The following CWC15 variants were observed in gnomAD, a reference collection of about 807,000 sequenced individuals.
CWC15 encodes CWC15 spliceosome associated protein.
A neutral mutation model predicts 28.4 loss-of-function variants in CWC15; 12 were observed. That is an observed-to-expected ratio of 0.42 (90% CI 0.27 to 0.69). The LOEUF (loss-of-function observed/expected upper bound fraction) is 0.69. Among genes scored for constraint, CWC15 ranks in the 30% least tolerant of loss-of-function variants. The pLI is 0.23. For missense variants in CWC15, 192 were observed against 271.5 expected (o/e 0.71, Z 2.06); for synonymous variants, 92 against 88.4 (o/e 1.04, Z -0.23).
chr11:94,970,098 TA>T lies in CWC15; in HGVS notation c.334-3del. 6.9e-7 allele frequency: 1 copy of T among 1,453,306 alleles called. No individual in the cohort carries two copies. The highest frequency in any genetic ancestry group is 9.4e-7 in the Non-Finnish European group (1 of 1,059,902). 90.0% of individuals were successfully genotyped at this position (1,453,306 alleles called of 1,614,324 possible). The stretch of plus-strand genomic sequence containing the variant: ...TTCTTCAAAATCTTCATCTTCCTCC[TA>T]AAAGAACAGTGAGAGCCCAGAAGAT... On this transcript the variant is annotated splice_polypyrimidine_tract_variant and splice_region_variant and intron_variant, in intron 4 of 6. Transcript: ENST00000279839.
chr11:94,962,905 T>C lies in CWC15; in HGVS notation c.*480A>G, dbSNP rs1857587912. On this transcript the variant is annotated 3_prime_UTR_variant, in exon 7 of 7. Coordinates refer to ENST00000279839, the MANE Select transcript of CWC15 (RefSeq NM_016403.4). ...GACACTCCTCCACACCAACATGTGGTCCAAAATAGAATCCCTCTCATCTTC... is the reference window on the plus strand; with the variant it reads ...GACACTCCTCCACACCAACATGTGGCCCAAAATAGAATCCCTCTCATCTTC... 6.6e-6 allele frequency: 1 copy of C among 152,348 alleles called. No individual in the cohort carries two copies. The allele number at this position is 152,348 out of a possible 1,614,324, so 9.4% of individuals were successfully genotyped here. A position where few individuals can be genotyped will look rare whatever the true frequency, so the allele number is the denominator to read the frequency against.
In CWC15 at chr11:94,973,047, T is replaced by TTG. The variant is rs1555096458; in HGVS notation, c.-9+450_-9+451insCA. On this transcript the variant is annotated intron_variant, in intron 1 of 6. Coordinates refer to ENST00000279839, the MANE Select transcript of CWC15 (RefSeq NM_016403.4). The stretch of plus-strand genomic sequence containing the variant: ...GGGTGGGCGAATTGGGAGGATTTTT[T>TTG]GGGGGGGGGGCGATGCTAATTCTCT... Among the ~76,000 whole-genome samples, 18 of 103,282 alleles carry TTG rather than the reference T, an allele frequency of 1.7e-4. 1 individual carries two copies. Among genetic ancestry groups the TTG allele is most frequent in the East Asian group, 1.2e-3 (4 of 3,246 alleles). 67.8% of individuals were successfully genotyped at this position (103,282 alleles called of 152,430 possible). A position where few individuals can be genotyped will look rare whatever the true frequency, so the allele number is the denominator to read the frequency against.
intron 6 of CWC15, 61 bp downstream of exon 6, chr11:94,966,226 TACACACAC>T (rs58215154): frequency 0.063 from 42,092 of 667,708 alleles, 479 homozygotes; most frequent in Middle Eastern, 0.07. Flanking sequence ...CATACACATA[TACACACAC>T]ACACACACAC....
At chr11:94,967,682 G>C (rs948304164) in intron 5 of CWC15, among the ~76,000 whole-genome samples, 1 of 152,098 alleles carries the variant, frequency 6.6e-6, no homozygotes, top group African/African-American at 2.4e-5. Flanking sequence ...TGTAAACAAT[G>C]AATTTCATTT....
In CWC15 at chr11:94,970,068, CT is replaced by C; in HGVS notation, c.361del (p.Ser121ValfsTer44). Reference protein sequence around the residue: ...DEEDEDFEEESDDDDTAALLA... With the variant: ...DEEDEDFEEEXDDDDTAALLA... ...AAGAGCTGCAGTATCATCATCATCA[CT>C]TTCTTCTTCAAAATCTTCATCTTCC... On this transcript the variant is annotated frameshift_variant, in exon 5 of 7. Coordinates refer to ENST00000279839, the MANE Select transcript of CWC15 (RefSeq NM_016403.4). LOFTEE classifies it high-confidence loss of function. 6.4e-7 allele frequency: 1 copy of C among 1,556,216 alleles called. No homozygotes were observed. Among genetic ancestry groups the C allele is most frequent in the Admixed American group, 1.9e-5 (1 of 51,676 alleles).
intron 4 of CWC15, 51 bp downstream of exon 4, chr11:94,970,926 A>G: frequency 2.1e-6 from 3 of 1,410,626 alleles, no homozygotes. Flanking sequence ...AGTATTTTAG[A>G]ATAGCATGGT....
intron 5 of CWC15, among the ~76,000 whole-genome samples, chr11:94,969,553 A>C (rs2134101925): frequency 6.6e-6 from 1 of 151,764 alleles, no homozygotes; most frequent in Non-Finnish European, 1.5e-5. Flanking sequence ...AAACAGAGAG[A>C]CTGTGGGGGC....
At chr11:94,972,770 A>C (rs1857741293) in intron 1 of CWC15, among the ~76,000 whole-genome samples, 1 of 151,990 alleles carries the variant, frequency 6.6e-6, no homozygotes, top group Non-Finnish European at 1.5e-5. Context: ...CACAGAAAAA[A>C]ATTCTTAAAC....
intron 6 of CWC15, among the ~76,000 whole-genome samples, chr11:94,964,581 G>T (rs1462799466): frequency 2.0e-5 from 3 of 152,022 alleles, no homozygotes; most frequent in Non-Finnish European, 4.4e-5. Flanking sequence ...CTCCAAACAG[G>T]CTTTTTGTCC....
chr11:94,966,295 C>T lies in CWC15; in HGVS notation c.560G>A (p.Arg187Lys). 6.8e-7 allele frequency: 1 copy of T among 1,479,456 alleles called. No individual in the cohort carries two copies. The highest frequency in any genetic ancestry group is 9.2e-7 in the Non-Finnish European group (1 of 1,083,454). 91.6% of individuals were successfully genotyped at this position (1,479,456 alleles called of 1,614,324 possible). ...CCATTACTCCGTTACTGTATAGTACCTTCTTTTAACTTTGAAGTTGGCCTG... is the reference window on the plus strand; with the variant it reads ...CCATTACTCCGTTACTGTATAGTACTTTCTTTTAACTTTGAAGTTGGCCTG... ...QPQANFKVKR[R>K]WDDDVVFKNC... The change falls in exon 6 of 7, where the codon AGG becomes AAG. Residue 187 changes from arginine to lysine, a missense_variant and splice_region_variant. By Grantham distance (26) the Arg-to-Lys change is conservative. Around this residue, in one of 2 missense-constraint regions of CWC15, gnomAD observed 188 missense variants for 250.3 expected, o/e 0.75. Coordinates refer to ENST00000279839, the MANE Select transcript of CWC15 (RefSeq NM_016403.4).
intron 6 of CWC15, among the ~76,000 whole-genome samples, chr11:94,964,535 T>C (rs1857612920): frequency 6.6e-6 from 1 of 152,186 alleles, no homozygotes; most frequent in Non-Finnish European, 1.5e-5. Context: ...TTGTATATAA[T>C]CAGTACAGTT....
chr11:94,969,236 C>A (rs1364476748), intron 5 of CWC15, among the ~76,000 whole-genome samples: 1 of 152,160 alleles, frequency 6.6e-6, no homozygotes, highest in Non-Finnish European at 1.5e-5. Context: ...ATCATACAAG[C>A]TAAGAGTCTC....
At chr11:94,969,775 C>T (rs1464913737) in intron 5 of CWC15, among the ~76,000 whole-genome samples, 1 of 152,170 alleles carries the variant, frequency 6.6e-6, no homozygotes, top group Non-Finnish European at 1.5e-5. Context: ...GTGAATATTA[C>T]TCAGTGCATC....
intron 5 of CWC15, among the ~76,000 whole-genome samples, chr11:94,967,400 ACTT>A (rs1238401028): frequency 6.6e-6 from 1 of 152,060 alleles, no homozygotes; most frequent in Non-Finnish European, 1.5e-5. Context: ...TTTAGCATCA[ACTT>A]CTTCAAAGTC....
chr11:94,970,765 C>T, intron 4 of CWC15: 1 of 547,006 alleles, frequency 1.8e-6, no homozygotes, highest in Non-Finnish European at 3.3e-6. Flanking sequence ...ATATTTGGTT[C>T]TCTAGAGATC....
intron 1 of CWC15, 106 bp from the exon 2 acceptor site, chr11:94,972,299 C>A: frequency 9.2e-7 from 1 of 1,081,428 alleles, no homozygotes. Context: ...AACTCATTCC[C>A]CAAAACCTGC....
At chr11:94,967,904 G>A (rs1857667729) in intron 5 of CWC15, among the ~76,000 whole-genome samples, 1 of 152,112 alleles carries the variant, frequency 6.6e-6, no homozygotes, top group Admixed American at 6.5e-5. Context: ...AAAAATAGGA[G>A]CTTAAGTATA....
At chr11:94,967,450 T>C (rs1857661773) in intron 5 of CWC15, among the ~76,000 whole-genome samples, 1 of 152,208 alleles carries the variant, frequency 6.6e-6, no homozygotes, top group African/African-American at 2.4e-5. Flanking sequence ...ATGTGGAATA[T>C]AAAATGTCTA....
Position 94,963,283 on chromosome 11 carries a change from C to T in CWC15, c.*102G>A, listed in dbSNP as rs200674820. ...GATAGGAGTTTAAAACTGGGGAAGC[C>T]CACACACAATTTAGACAGGGGAAAA... On this transcript the variant is annotated 3_prime_UTR_variant, in exon 7 of 7. Coordinates refer to ENST00000279839, the MANE Select transcript of CWC15 (RefSeq NM_016403.4). 1.6e-5 allele frequency: 14 copies of T among 891,512 alleles called. No homozygotes were observed. The East Asian group carries it at 4.1e-4, about 26-fold the overall frequency. The allele number at this position is 891,512 out of a possible 1,614,324, so 55.2% of individuals were successfully genotyped here.
Sources: allele counts gnomAD v4.1 joint callset (sites outside exome capture counted in the v4.1 genomes callset), GRCh38; gene constraint gnomAD v4.1.1; regional missense constraint gnomAD v4.1.1; transcripts MANE v1.5; gene names NCBI Gene and HGNC (gene_info 2026-07-23, HGNC 2026-07-21).